Variants in TENM1 observed in about 807,000 individuals in gnomAD.
The protein encoded by TENM1 is teneurin-1.
Under a neutral mutation model 174.8 loss-of-function variants are expected in TENM1, and 35 were observed. The observed-to-expected ratio is 0.20, with a 90% CI of 0.15 to 0.27. TENM1 has a LOEUF of 0.27. Among genes scored for constraint, TENM1 ranks in the 10% least tolerant of loss-of-function variants. TENM1 has a pLI of 1.00. For missense variants in TENM1, 1,633 were observed against 2,130.1 expected (o/e 0.77, Z 4.59); for synonymous variants, 781 against 798.7 (o/e 0.98, Z 0.37).
chrX:125,104,882 C>T, the TENM1 span, among the ~76,000 whole-genome samples: 1 of 111,911 alleles, frequency 8.9e-6, no homozygotes, highest in Non-Finnish European at 1.9e-5. Context: ...AGCCCTAATT[C>T]AATTTTTCTG....
At chrX:125,081,536 T>A in the TENM1 span, among the ~76,000 whole-genome samples, 1 of 111,238 alleles carries the variant, frequency 9.0e-6, no homozygotes, top group South Asian at 3.7e-4. Context: ...CCCTGATTCC[T>A]CTTTCCCTCC....
intron 6 of TENM1, among the ~76,000 whole-genome samples, chrX:124,656,564 G>C (rs941702187): frequency 1.8e-5 from 2 of 111,747 alleles, no homozygotes; most frequent in Non-Finnish European, 3.8e-5. Flanking sequence ...TTAGAGAAGA[G>C]ACATTCTCAC....
chrX:124,753,369 C>A (rs1238693484), intron 3 of TENM1, among the ~76,000 whole-genome samples: 1 of 105,278 alleles, frequency 9.5e-6, no homozygotes, highest in African/African-American at 3.5e-5. Context: ...AGTTGCTTAT[C>A]AGCTTAAGGA....
chrX:124,560,906 GT>G (rs1468890535), intron 14 of TENM1, among the ~76,000 whole-genome samples: 1 of 111,779 alleles, frequency 8.9e-6, no homozygotes, highest in East Asian at 2.8e-4. Context: ...CTCAGAGGTG[GT>G]TTGGGCAGTT....
At chrX:124,385,684 C>T in exon 29 of TENM1, 1 of 1,191,893 alleles carries the variant, frequency 8.4e-7, no homozygotes, top group Non-Finnish European at 1.1e-6. Flanking sequence ...AACCTGTTTG[C>T]CTGTATCTGA....
chrX:124,983,566 GTAA>G, the TENM1 span, among the ~76,000 whole-genome samples: 1 of 111,439 alleles, frequency 9.0e-6, no homozygotes, highest in African/African-American at 3.3e-5. Flanking sequence ...TCCTGAAACC[GTAA>G]CAAAATTTTG....
chrX:124,609,239 G>A (rs767625783), intron 11 of TENM1, among the ~76,000 whole-genome samples: 3 of 111,503 alleles, frequency 2.7e-5, no homozygotes, highest in African/African-American at 6.5e-5. Context: ...GTGGGAAATC[G>A]TTTACTATAA....
At chrX:124,954,444 A>G (rs1454185184) in intron 1 of TENM1, among the ~76,000 whole-genome samples, 1 of 112,000 alleles carries the variant, frequency 8.9e-6, no homozygotes, top group African/African-American at 3.2e-5. Context: ...ATATACATTC[A>G]TACTCATCAG....
At chrX:124,596,044 T>C (rs1454749639) in intron 11 of TENM1, among the ~76,000 whole-genome samples, 1 of 112,239 alleles carries the variant, frequency 8.9e-6, no homozygotes, top group Non-Finnish European at 1.9e-5. Flanking sequence ...ACAATGTTCA[T>C]GGGTTCTTTA....
At chrX:124,843,804 T>C (rs760889270) in intron 3 of TENM1, among the ~76,000 whole-genome samples, 1 of 111,075 alleles carries the variant, frequency 9.0e-6, no homozygotes, top group East Asian at 2.8e-4. Flanking sequence ...TCTTAAAGAG[T>C]ATCATTTGGT....
At chrX:124,708,490 T>C in intron 4 of TENM1, among the ~76,000 whole-genome samples, 1 of 111,736 alleles carries the variant, frequency 8.9e-6, no homozygotes. Flanking sequence ...TGACAATCCA[T>C]ATAAGAAGCC....
chrX:124,915,057 C>T (rs2057899413), intron 1 of TENM1, among the ~76,000 whole-genome samples: 1 of 111,589 alleles, frequency 9.0e-6, no homozygotes, highest in Non-Finnish European at 1.9e-5. Context: ...CTCCTTCCTG[C>T]CCCTTTCCAT....
intron 3 of TENM1, among the ~76,000 whole-genome samples, chrX:124,788,651 A>T (rs931995151): frequency 5.3e-5 from 6 of 112,890 alleles, no homozygotes; most frequent in Non-Finnish European, 9.4e-5. Context: ...AAGCAGTCAA[A>T]TCTTAATGCT....
intron 3 of TENM1, among the ~76,000 whole-genome samples, chrX:124,774,105 C>T: frequency 9.0e-6 from 1 of 111,675 alleles, no homozygotes; most frequent in Non-Finnish European, 1.9e-5. Context: ...TGTTTAGAGA[C>T]TGTAAAAAAT....
rs767565249 is a variant in TENM1, at chrX:124,752,705, A to C, written c.536-15508T>G. Among the ~76,000 whole-genome samples, 86 of 111,447 alleles carry C rather than the reference A, an allele frequency of 7.7e-4. No homozygotes were observed. In the East Asian group the frequency reaches 0.012, roughly 16 times the overall value. On this transcript the variant is annotated intron_variant, in intron 3 of 31. Coordinates refer to ENST00000422452, the Ensembl canonical transcript of TENM1. ...GGAAGGGATCCAGTTTCAGCTTTCT[A>C]CATATGGCTAGCCAGTTTTCCCAGC...
intron 11 of TENM1, among the ~76,000 whole-genome samples, chrX:124,604,764 G>T (rs757256393): frequency 2.7e-5 from 3 of 110,743 alleles, no homozygotes; most frequent in Non-Finnish European, 5.7e-5. Flanking sequence ...ACATAGAAAT[G>T]CATGAACTTT....
chrX:124,787,415 T>C (rs2055064413), intron 3 of TENM1, among the ~76,000 whole-genome samples: 1 of 110,781 alleles, frequency 9.0e-6, no homozygotes, highest in African/African-American at 3.4e-5. Context: ...GAATTTGAAA[T>C]AAGTTTGATT....
chrX:124,591,568 G>C (rs181042035), intron 11 of TENM1, among the ~76,000 whole-genome samples: 239 of 111,863 alleles, frequency 2.1e-3, no homozygotes, highest in Admixed American at 4.7e-3. Flanking sequence ...CTCCTGGCTT[G>C]TAAGGTTTCT....
intron 3 of TENM1, among the ~76,000 whole-genome samples, chrX:124,753,012 C>A (rs968444612): frequency 9.0e-6 from 1 of 110,782 alleles, no homozygotes; most frequent in African/African-American, 3.3e-5. Flanking sequence ...TAGTTTTTTC[C>A]AATTGTGTGA....
Sources: allele counts gnomAD v4.1 joint callset (sites outside exome capture counted in the v4.1 genomes callset), GRCh38; gene constraint gnomAD v4.1.1; transcripts MANE v1.5; gene names NCBI Gene and HGNC (gene_info 2026-07-23, HGNC 2026-07-21).